The following ADAM9 variants were observed in gnomAD, a reference collection of about 807,000 sequenced individuals.
ADAM9 encodes disintegrin and metalloproteinase domain-containing protein 9.
A neutral mutation model predicts 108.1 loss-of-function variants in ADAM9; 54 were observed. That is an observed-to-expected ratio of 0.50 (90% CI 0.40 to 0.63). ADAM9 has a LOEUF of 0.63. Ranked by LOEUF, ADAM9 falls within the 20% of genes least tolerant of loss-of-function variation. The probability of loss-of-function intolerance (pLI) is 0.00; values close to 1 mark genes in which losing one functional copy is unlikely to be tolerated. For synonymous variants in ADAM9, 316 were observed against 336.0 expected (o/e 0.94, Z 0.65); for missense variants, 830 against 997.7 (o/e 0.83, Z 2.26).
At chr8:39,060,024 CATATGCCCAGCTTT>C (rs1838249418) in intron 14 of ADAM9, among the ~76,000 whole-genome samples, 1 of 152,180 alleles carries the variant, frequency 6.6e-6, no homozygotes, top group African/African-American at 2.4e-5. Context: ...GGTGCTGCTG[CATATGCCCAGCTTT>C]ATAGCTTGGT....
At chr8:39,030,302 T>C (rs1837057570) in intron 11 of ADAM9, among the ~76,000 whole-genome samples, 1 of 152,166 alleles carries the variant, frequency 6.6e-6, no homozygotes, top group Admixed American at 6.6e-5. Context: ...CTTTTTACTG[T>C]CTCCATAGTT....
chr8:39,004,166 AT>A (rs1836088993), intron 1 of ADAM9, among the ~76,000 whole-genome samples: 1 of 151,528 alleles, frequency 6.6e-6, no homozygotes, highest in Non-Finnish European at 1.5e-5. Flanking sequence ...TTGGTTCTAT[AT>A]TGTTTAGCTT....
chr8:39,070,426 T>G (rs2129441229), intron 14 of ADAM9, among the ~76,000 whole-genome samples: 2 of 152,242 alleles, frequency 1.3e-5, no homozygotes, highest in Middle Eastern at 6.8e-3. Flanking sequence ...ATATACCACT[T>G]TTTACCTTCA....
intron 14 of ADAM9, among the ~76,000 whole-genome samples, chr8:39,066,321 C>G (rs1277918222): frequency 1.3e-5 from 2 of 152,328 alleles, no homozygotes; most frequent in East Asian, 1.9e-4. Context: ...CTTGAGGAAT[C>G]GCCACACTGT....
chr8:39,071,271 TC>T (rs1429088776), intron 14 of ADAM9, 26 bp from the exon 15 acceptor site: 6 of 1,606,858 alleles, frequency 3.7e-6, no homozygotes, highest in Non-Finnish European at 5.1e-6. Context: ...ACTTTTTTTT[TC>T]TTTTTTTAAA....
chr8:39,023,845 G>T (rs562356599), intron 9 of ADAM9, among the ~76,000 whole-genome samples: 1 of 146,204 alleles, frequency 6.8e-6, no homozygotes, highest in Non-Finnish European at 1.5e-5. Context: ...CTCCCAGGTC[G>T]AAGCAATTCT....
At chr8:39,085,795 G>T (rs1320667295) in intron 18 of ADAM9, among the ~76,000 whole-genome samples, 1 of 152,028 alleles carries the variant, frequency 6.6e-6, no homozygotes, top group Non-Finnish European at 1.5e-5. Context: ...GTGCCTTGGT[G>T]TAGTTGGGAT....
At chr8:39,039,054 C>T (rs539893735) in intron 11 of ADAM9, among the ~76,000 whole-genome samples, 1 of 152,240 alleles carries the variant, frequency 6.6e-6, no homozygotes, top group African/African-American at 2.4e-5. Context: ...ATCAACTTTT[C>T]TAGAGACCAG....
intron 1 of ADAM9, among the ~76,000 whole-genome samples, chr8:38,999,846 GA>G (rs1164883338): frequency 6.6e-6 from 1 of 152,186 alleles, no homozygotes; most frequent in African/African-American, 2.4e-5. Flanking sequence ...TAAGTAACTG[GA>G]AGCTTTTTCT....
At position 39,026,587 on chromosome 8, in the gene ADAM9, A is replaced by G. The variant is rs914188398; in HGVS notation, c.997-90A>G. 18 of 1,541,962 alleles carry G rather than the reference A, an allele frequency of 1.2e-5. No individual in the cohort carries two copies. The East Asian group carries it at 2.9e-4, about 25-fold the overall frequency. ...ACGTAGGCTGTCAACAGTGTAGTGA[A>G]TAAATTTCCTTTTGTGAAAAAATAA... On this transcript the variant is annotated intron_variant, in intron 10 of 21. Coordinates refer to ENST00000487273, the MANE Select transcript of ADAM9 (RefSeq NM_003816.3).
intron 12 of ADAM9, among the ~76,000 whole-genome samples, chr8:39,047,886 T>G (rs969108181): frequency 2.0e-5 from 3 of 146,636 alleles, no homozygotes; most frequent in Non-Finnish European, 3.0e-5. Flanking sequence ...TTTATTTGAG[T>G]TTTTTTTTTT....
chr8:39,059,953 T>C (rs959115576), intron 14 of ADAM9, among the ~76,000 whole-genome samples: 2 of 152,228 alleles, frequency 1.3e-5, no homozygotes, highest in African/African-American at 4.8e-5. Flanking sequence ...TTTATGTAAC[T>C]TGTGCCTTCC....
intron 11 of ADAM9, among the ~76,000 whole-genome samples, chr8:39,035,099 C>A (rs1458429945): frequency 2.6e-5 from 4 of 152,116 alleles, no homozygotes; most frequent in Non-Finnish European, 5.9e-5. Flanking sequence ...CTCACTATGT[C>A]TCCTTTGTCT....
At position 39,045,489 on chromosome 8, in the gene ADAM9, C is replaced by CGT. The variant is rs1337536261; in HGVS notation, c.1302+3377_1302+3378dup. On this transcript the variant is annotated intron_variant, in intron 12 of 21. Coordinates refer to ENST00000487273, the MANE Select transcript of ADAM9 (RefSeq NM_003816.3). The stretch of plus-strand genomic sequence containing the variant: ...GTGTGTGTACACACACCTATATGTG[C>CGT]GTGTGTATACATATGTGTGTGTACA... 2.8e-4 allele frequency among the ~76,000 whole-genome samples: 40 copies of CGT among 140,678 alleles called. 4 individuals are homozygous for CGT. The highest frequency in any genetic ancestry group is 4.3e-4 in the Non-Finnish European group (28 of 64,796). The allele number at this position is 140,678 out of a possible 152,430, so 92.3% of individuals were successfully genotyped here.
intron 4 of ADAM9, 95 bp downstream of exon 4, chr8:39,014,138 C>A: frequency 1.0e-6 from 1 of 966,644 alleles, no homozygotes; most frequent in Non-Finnish European, 1.7e-6. Context: ...TTACATTGCA[C>A]AGCCCCACAG....
At chr8:39,086,177 G>A (rs1362409493) in intron 18 of ADAM9, among the ~76,000 whole-genome samples, 2 of 151,984 alleles carry the variant, frequency 1.3e-5, no homozygotes, top group Non-Finnish European at 2.9e-5. Context: ...ACCACGCCTG[G>A]CTAACTTTTG....
intron 11 of ADAM9, among the ~76,000 whole-genome samples, chr8:39,031,656 T>G (rs141938407): frequency 1.3e-5 from 2 of 152,362 alleles, no homozygotes; most frequent in Non-Finnish European, 2.9e-5. Context: ...TCTGTCAGCC[T>G]GTCAAAGTCA....
intron 12 of ADAM9, among the ~76,000 whole-genome samples, chr8:39,049,184 TTG>T (rs1331314894): frequency 2.0e-5 from 3 of 151,912 alleles, no homozygotes; most frequent in African/African-American, 4.8e-5. Flanking sequence ...TTTTTTGATT[TTG>T]TGTGTGTGTT....
chr8:39,002,502 T>A (rs1445747487), intron 1 of ADAM9, among the ~76,000 whole-genome samples: 1 of 151,494 alleles, frequency 6.6e-6, no homozygotes, highest in Non-Finnish European at 1.5e-5. Flanking sequence ...TATTTTTTTT[T>A]AGTAAAGACG....
Sources: allele counts gnomAD v4.1 joint callset (sites outside exome capture counted in the v4.1 genomes callset), GRCh38; gene constraint gnomAD v4.1.1; transcripts MANE v1.5; gene names NCBI Gene and HGNC (gene_info 2026-07-23, HGNC 2026-07-21).